The following STAB2 variants were observed in gnomAD, a reference collection of about 807,000 sequenced individuals.
The protein encoded by STAB2 is stabilin-2.
Under a neutral mutation model 338.1 loss-of-function variants are expected in STAB2, and 288 were observed. The observed-to-expected ratio is 0.85, with a 90% CI of 0.77 to 0.94. STAB2 has a LOEUF of 0.94. STAB2 is among the 40% of genes least tolerant of loss of function. STAB2 has a pLI of 0.00. For missense variants in STAB2, 3,141 were observed against 3,210.1 expected (o/e 0.98, Z 0.52); for synonymous variants, 1,202 against 1,193.3 (o/e 1.01, Z -0.15).
chr12:103,595,893 T>G (rs1956867957), intron 3 of STAB2, among the ~76,000 whole-genome samples: 1 of 152,192 alleles, frequency 6.6e-6, no homozygotes, highest in African/African-American at 2.4e-5. Context: ...AATGTCTTTT[T>G]TGATTGGCAG....
At chr12:103,590,781 C>G in intron 1 of STAB2, 116 bp from the exon 2 acceptor site, 1 of 1,245,214 alleles carries the variant, frequency 8.0e-7, no homozygotes, top group Non-Finnish European at 1.2e-6. Flanking sequence ...TATCACCATC[C>G]CTGACGTTCC....
intron 63 of STAB2, among the ~76,000 whole-genome samples, chr12:103,756,504 C>T (rs1884112660): frequency 6.6e-6 from 1 of 152,216 alleles, no homozygotes; most frequent in Non-Finnish European, 1.5e-5. Flanking sequence ...AGGACTAAAT[C>T]CTCCTGCAAC....
intron 66 of STAB2, 137 bp downstream of exon 66, chr12:103,761,547 A>C: frequency 6.9e-6 from 5 of 729,854 alleles, no homozygotes; most frequent in Non-Finnish European, 6.6e-6. Flanking sequence ...TCCAACCTCC[A>C]AGGTAGCTGG....
intron 34 of STAB2, among the ~76,000 whole-genome samples, chr12:103,699,450 G>A (rs561330642): frequency 6.6e-4 from 100 of 152,282 alleles, no homozygotes; most frequent in East Asian, 9.6e-4. Flanking sequence ...AAGGCAAGGA[G>A]GCACAAGTCA....
Position 103,749,092 on chromosome 12 carries a change from A to G in STAB2, c.6374A>G (p.Asp2125Gly). 1 of 1,613,800 alleles carries G rather than the reference A, an allele frequency of 6.2e-7. No homozygotes were observed. Among genetic ancestry groups the G allele is most frequent in the Non-Finnish European group, 8.5e-7 (1 of 1,179,896 alleles). The change falls in exon 59 of 69, where the codon GAC becomes GGC. Residue 2125 changes from aspartate (D) to glycine (G), a missense_variant. Asp to Gly is a moderately conservative substitution (Grantham distance 94, BLOSUM62 -1). Transcript: ENST00000388887. ...GACGGGCACAGCTGCACAGAGATAG[A>G]CCCCTGTGCAGACGGCCTTAACGGA... ...KGDGHSCTEI[D>G]PCADGLNGGC... is the part of the protein sequence containing the mutation.
chr12:103,658,023 C>G (rs1874320845), intron 15 of STAB2: 1 of 152,180 alleles, frequency 6.6e-6, no homozygotes, highest in African/African-American at 2.4e-5. Context: ...GGAAACCCTC[C>G]CATTCCTGCA....
chr12:103,647,213 G>A (rs149255797), intron 9 of STAB2, among the ~76,000 whole-genome samples: 76 of 152,312 alleles, frequency 5.0e-4, no homozygotes, highest in African/African-American at 1.8e-3. Context: ...CCAGGTTGAG[G>A]CTGTGCAACA....
chr12:103,596,826 G>A (rs1368557196), intron 3 of STAB2, among the ~76,000 whole-genome samples: 2 of 152,062 alleles, frequency 1.3e-5, no homozygotes, highest in African/African-American at 4.8e-5. Flanking sequence ...GGGCATGGTG[G>A]CATGTGCCTC....
Position 103,660,312 on chromosome 12 carries a change from GTA to G in STAB2, c.1735-17_1735-16del, listed in dbSNP as rs1874499366. ...TGCATTTTCTTCTTTGACTAAAGAA[GTA>G]TTTGGTTCCTTTGCAGGGATCTCGG... On this transcript the variant is annotated splice_polypyrimidine_tract_variant and intron_variant, in intron 15 of 68. Coordinates refer to ENST00000388887, the MANE Select transcript of STAB2 (RefSeq NM_017564.10). 2 of 1,613,606 alleles carry G rather than the reference GTA, an allele frequency of 1.2e-6. No homozygotes were observed. The highest frequency in any genetic ancestry group is 1.7e-6 in the Non-Finnish European group (2 of 1,179,518).
In STAB2 at chr12:103,704,617, A is replaced by G; in HGVS notation, c.3900+3A>G. The G allele has an allele frequency of 6.2e-7, 1 of 1,613,614 alleles. No homozygotes were observed. The highest frequency in any genetic ancestry group is 2.2e-5 in the East Asian group (1 of 44,858). Reference sequence around the variant, plus strand: ...GCCCATTCGGAACTAAATCTCTAGTAAGTACTTTGTCTGTTTTGATAAAAT... The same window carrying G: ...GCCCATTCGGAACTAAATCTCTAGTGAGTACTTTGTCTGTTTTGATAAAAT... On this transcript the variant is annotated splice_donor_region_variant and intron_variant, in intron 36 of 68. Coordinates refer to ENST00000388887, the MANE Select transcript of STAB2 (RefSeq NM_017564.10).
chr12:103,669,279 CG>C (rs1875485393), intron 20 of STAB2: 1 of 416,380 alleles, frequency 2.4e-6, no homozygotes, highest in Non-Finnish European at 4.3e-6. Flanking sequence ...CAACTTAGAA[CG>C]TTGGCTCCAC....
rs992276698 is a variant in STAB2 at position 103,734,232 on chromosome 12, ACATCATAAAGGAGCAAG to A, written c.5460+1054_5460+1070del. Reference sequence around the variant, plus strand: ...AGCAAGCACGATCACATAGGAGCAAACATCATAAAGGAGCAAGCATGATCACATAGGAGCAAGCAAGA... The same window carrying A: ...AGCAAGCACGATCACATAGGAGCAAACATGATCACATAGGAGCAAGCAAGA... On this transcript the variant is annotated intron_variant, in intron 51 of 68. Transcript: ENST00000388887. Among the ~76,000 whole-genome samples, 4 of 136,118 alleles carry A rather than the reference ACATCATAAAGGAGCAAG, an allele frequency of 2.9e-5. No homozygotes were observed. In the South Asian group the frequency reaches 1.0e-3, roughly 34 times the overall value. The allele number at this position is 136,118 out of a possible 152,430, so 89.3% of individuals were successfully genotyped here. A position where few individuals can be genotyped will look rare whatever the true frequency, so the allele number is the denominator to read the frequency against.
At chr12:103,650,243 G>C (rs1369815783) in intron 10 of STAB2, among the ~76,000 whole-genome samples, 1 of 151,858 alleles carries the variant, frequency 6.6e-6, no homozygotes, top group South Asian at 2.1e-4. Flanking sequence ...GCTCAGCCAG[G>C]GTATCTTTGA....
At position 103,622,091 on chromosome 12, in the gene STAB2, T is replaced by C; in HGVS notation, c.467T>C (p.Phe156Ser). Reference protein sequence around the residue: ...ACETCADDNLFGPSCSSVCNC... With the variant: ...ACETCADDNLSGPSCSSVCNC... ...GAAACCTGTGCTGACGACAACTTAT[T>C]TGGACCCAGCTGTTCATCAGGTATG... The change falls in exon 5 of 69, where the codon TTT becomes TCT. Residue 156 changes from phenylalanine (F) to serine (S), a missense_variant. By Grantham distance (155) the Phe-to-Ser change is radical. Coordinates refer to ENST00000388887, the MANE Select transcript of STAB2 (RefSeq NM_017564.10). 6.2e-7 allele frequency: 1 copy of C among 1,614,240 alleles called. No homozygotes were observed. Among genetic ancestry groups the C allele is most frequent in the Non-Finnish European group, 8.5e-7 (1 of 1,180,032 alleles).
intron 68 of STAB2, 171 bp downstream of exon 68, chr12:103,763,779 G>T (rs1593361575): frequency 3.4e-6 from 2 of 595,148 alleles, no homozygotes; most frequent in East Asian, 5.8e-5. Flanking sequence ...CAGTGTGGTT[G>T]CTCAGAGTTC....
intron 63 of STAB2, among the ~76,000 whole-genome samples, chr12:103,756,996 A>AATATATATATATAT (rs869105400): frequency 1.7e-3 from 96 of 56,262 alleles, no homozygotes; most frequent in Middle Eastern, 8.1e-3. Context: ...AAGGAGGGAA[A>AATATATATATATAT]ATATATATAT....
At chr12:103,598,179 C>G (rs1289864783) in intron 3 of STAB2, among the ~76,000 whole-genome samples, 1 of 152,152 alleles carries the variant, frequency 6.6e-6, no homozygotes, top group Admixed American at 6.5e-5. Context: ...CCAACAAGAG[C>G]TATAAATGGA....
intron 12 of STAB2, 56 bp downstream of exon 12, chr12:103,652,761 C>A: frequency 1.4e-6 from 2 of 1,453,106 alleles, no homozygotes; most frequent in South Asian, 1.7e-5. Context: ...AAGCCAATGC[C>A]CATATCCTTC....
rs373686630 is a variant in STAB2 at position 103,739,572 on chromosome 12, T to TGTGTGTGTGTGTGC, written c.5754+105_5754+106insTGTGTGTGTGTGCG. 3.2e-3 allele frequency: 2,316 copies of TGTGTGTGTGTGTGC among 733,808 alleles called. 15 individuals carry two copies. The highest frequency in any genetic ancestry group is 8.6e-3 in the Admixed American group (223 of 25,994). 45.5% of individuals were successfully genotyped at this position (733,808 alleles called of 1,614,324 possible). On this transcript the variant is annotated intron_variant, in intron 54 of 68. Coordinates refer to ENST00000388887, the MANE Select transcript of STAB2 (RefSeq NM_017564.10). The stretch of plus-strand genomic sequence containing the variant: ...GTGTGTGTGTGTGTGTGTGTGTGTG[T>TGTGTGTGTGTGTGC]GCCCGTGCACGTATGTTGCATAAAT...
Sources: allele counts gnomAD v4.1 joint callset (sites outside exome capture counted in the v4.1 genomes callset), GRCh38; gene constraint gnomAD v4.1.1; transcripts MANE v1.5; gene names NCBI Gene and HGNC (gene_info 2026-07-23, HGNC 2026-07-21).